LAMB4: variants seen among roughly 807,000 people sequenced by gnomAD.
The protein encoded by LAMB4 is laminin subunit beta-4.
Under a neutral mutation model 199.2 loss-of-function variants are expected in LAMB4, and 196 were observed. The observed-to-expected ratio is 0.98, with a 90% confidence interval of 0.88 to 1.11. The LOEUF is 1.11. Among genes scored for constraint, LAMB4 ranks in the 50% least tolerant of loss-of-function variants. LAMB4 has a pLI of 0.00. For synonymous variants in LAMB4, 744 were observed against 770.6 expected (o/e 0.97, Z 0.57); for missense variants, 2,080 against 2,171.2 (o/e 0.96, Z 0.83).
intron 24 of LAMB4, among the ~76,000 whole-genome samples, chr7:108,056,391 T>C (rs560753512): frequency 6.6e-6 from 1 of 152,330 alleles, no homozygotes; most frequent in Admixed American, 6.5e-5. Context: ...AGAAGTCCCA[T>C]GGTCACACTT....
chr7:108,089,115 G>A (rs2037298098), intron 14 of LAMB4, among the ~76,000 whole-genome samples: 2 of 152,054 alleles, frequency 1.3e-5, no homozygotes, highest in African/African-American at 4.8e-5. Flanking sequence ...TTTTTTTATA[G>A]CAGTACTCCT....
rs1465484497 is a variant in LAMB4, at chr7:108,068,248, C to T, written c.2303-89G>A. 7 of 1,299,066 alleles carry T rather than the reference C, an allele frequency of 5.4e-6. No individual in the cohort carries two copies. In the South Asian group the frequency reaches 6.5e-5, roughly 12 times the overall value. The allele number at this position is 1,299,066 out of a possible 1,614,324, so 80.5% of individuals were successfully genotyped here. On this transcript the variant is annotated intron_variant, in intron 18 of 33. Transcript: ENST00000388781. ...TAGTAGCTATAGTTCACCTCTCTCTCATTTAAGACCTCTTTAATACTCAAC... is the reference window on the plus strand; with the variant it reads ...TAGTAGCTATAGTTCACCTCTCTCTTATTTAAGACCTCTTTAATACTCAAC...
intron 17 of LAMB4, among the ~76,000 whole-genome samples, chr7:108,070,518 C>A (rs1341992293): frequency 6.6e-6 from 1 of 152,198 alleles, no homozygotes; most frequent in Non-Finnish European, 1.5e-5. Context: ...TCCTCCTCCT[C>A]AGCCTACTCA....
At chr7:108,043,545 G>GTGTTTTTTTTTTTTTTTTTTTTTTTT (rs2035496985) in intron 29 of LAMB4, among the ~76,000 whole-genome samples, 1 of 56,002 alleles carries the variant, frequency 1.8e-5, no homozygotes, top group African/African-American at 1.5e-4. Context: ...TGGCTATGAT[G>GTGTTTTTTTTTTTTTTTTTTTTTTTT]TTTTTTTTTT....
Position 108,058,044 on chromosome 7 carries a change from G to A in LAMB4, c.3283-116C>T, listed in dbSNP as rs142276061. The stretch of plus-strand genomic sequence containing the variant: ...TTAGAACATACAGCTGTGCAAAGGC[G>A]GAGGAAGGATGATTCCCATGTCCAG... On this transcript the variant is annotated intron_variant, in intron 23 of 33. Transcript: ENST00000388781. 8.3e-4 allele frequency: 580 copies of A among 702,128 alleles called. 1 individual carries two copies. In the African/African-American group the frequency reaches 8.4e-3, roughly 10 times the overall value. The allele number at this position is 702,128 out of a possible 1,614,324, so 43.5% of individuals were successfully genotyped here. A position where few individuals can be genotyped will look rare whatever the true frequency, so the allele number is the denominator to read the frequency against.
At chr7:108,024,282 T>C in intron 33 of LAMB4, 104 bp from the exon 34 acceptor site, 1 of 565,042 alleles carries the variant, frequency 1.8e-6, no homozygotes, top group Non-Finnish European at 2.8e-6. Flanking sequence ...CTCAAAGATA[T>C]ATTTAGTTTT....
At chr7:108,062,143 T>TC (rs1259574391) in intron 23 of LAMB4, among the ~76,000 whole-genome samples, 1 of 152,220 alleles carries the variant, frequency 6.6e-6, no homozygotes, top group East Asian at 1.9e-4. Context: ...ATAGTTTTTT[T>TC]CCCACAAGTA....
intron 1 of LAMB4, among the ~76,000 whole-genome samples, chr7:108,127,263 G>A (rs1225032160): frequency 1.4e-5 from 2 of 147,386 alleles, no homozygotes; most frequent in Non-Finnish European, 3.0e-5. Flanking sequence ...CTGGGGTTAA[G>A]GCCCCGACAT....
chr7:108,120,234 G>A (rs1053897977), intron 2 of LAMB4, among the ~76,000 whole-genome samples: 3 of 151,866 alleles, frequency 2.0e-5, no homozygotes, highest in African/African-American at 7.3e-5. Flanking sequence ...ACATTTAATG[G>A]CTTTCTTTCC....
intron 28 of LAMB4, among the ~76,000 whole-genome samples, chr7:108,047,433 T>C (rs1202607764): frequency 6.6e-6 from 1 of 152,200 alleles, no homozygotes; most frequent in African/African-American, 2.4e-5. Flanking sequence ...TCTCAATGAA[T>C]AGTAAGTATA....
At chr7:108,024,678 C>T (rs908138692) in intron 33 of LAMB4, among the ~76,000 whole-genome samples, 23 of 151,906 alleles carry the variant, frequency 1.5e-4, no homozygotes, top group African/African-American at 4.1e-4. Context: ...TCCATTGATC[C>T]GTCGACCCAT....
intron 19 of LAMB4, among the ~76,000 whole-genome samples, chr7:108,067,138 C>G (rs1294875780): frequency 1.3e-5 from 2 of 151,864 alleles, no homozygotes; most frequent in African/African-American, 4.8e-5. Context: ...TAGGGTGGCG[C>G]ATGGAAGAAA....
At chr7:108,013,910 A>T in the LAMB4 span, among the ~76,000 whole-genome samples, 1 of 152,184 alleles carries the variant, frequency 6.6e-6, no homozygotes, top group Non-Finnish European at 1.5e-5. Flanking sequence ...TTAAAAGGGT[A>T]TGTGTGGTTG....
At chr7:108,076,411 C>T (rs914144844) in intron 17 of LAMB4, among the ~76,000 whole-genome samples, 1 of 151,954 alleles carries the variant, frequency 6.6e-6, no homozygotes, top group African/African-American at 2.4e-5. Context: ...ACATACATAC[C>T]ATAAGAAAAT....
intron 26 of LAMB4, among the ~76,000 whole-genome samples, chr7:108,051,199 G>A (rs955929199): frequency 6.6e-6 from 1 of 152,102 alleles, no homozygotes; most frequent in Non-Finnish European, 1.5e-5. Flanking sequence ...CTCATTACAT[G>A]GCATTTATTG....
chr7:108,052,201 A>C lies in LAMB4; in HGVS notation c.3812T>G (p.Leu1271Arg). 1 of 1,611,512 alleles carries C rather than the reference A, an allele frequency of 6.2e-7. No homozygotes were observed. Among genetic ancestry groups the C allele is most frequent in the Non-Finnish European group, 8.5e-7 (1 of 1,178,752 alleles). Residue 1271 changes from leucine to arginine, a missense_variant, in exon 26 of 34, where the codon CTG (leucine) becomes CGG (arginine). Leu to Arg is a moderately radical substitution (Grantham distance 102, BLOSUM62 -2). Transcript: ENST00000388781. ...QLKAVYEFQD[L>R]KDTIERAKNE... ...CTTTGCTCTTTCTATTGTATCTTTC[A>C]GATCTTGAAATTCATACACTGCTTT... is the stretch of plus-strand genomic sequence containing the variant.
At chr7:108,066,244 C>A in intron 20 of LAMB4, 125 bp downstream of exon 20, 1 of 730,650 alleles carries the variant, frequency 1.4e-6, no homozygotes. Flanking sequence ...AATGCTCTCC[C>A]CGACCTATAA....
chr7:108,119,253 T>C (rs1364384052), intron 2 of LAMB4, among the ~76,000 whole-genome samples: 1 of 152,210 alleles, frequency 6.6e-6, no homozygotes, highest in African/African-American at 2.4e-5. Flanking sequence ...CAGGTACTGA[T>C]CAAGCAACTC....
At chr7:108,056,089 C>G in intron 24 of LAMB4, 82 bp from the exon 25 acceptor site, 1 of 1,341,552 alleles carries the variant, frequency 7.5e-7, no homozygotes. Flanking sequence ...CTTTTCCTCT[C>G]TCCTGAAAAT....
Sources: gnomAD v4.1 joint callset for allele counts (sites outside exome capture counted in the v4.1 genomes callset) on GRCh38, gnomAD v4.1.1 for gene constraint, MANE v1.5 for transcripts, NCBI Gene and HGNC (gene_info 2026-07-23, HGNC 2026-07-21) for gene names.